The following DYNC1H1 variants were observed in gnomAD, a reference collection of about 807,000 sequenced individuals.
DYNC1H1 encodes cytoplasmic dynein 1 heavy chain 1.
In DYNC1H1, 51 loss-of-function variants were observed where a neutral mutation model predicts 527.1. The ratio of observed to expected loss-of-function variants is 0.10; its 90% CI spans 0.08 to 0.12. The LOEUF (loss-of-function observed/expected upper bound fraction) is 0.12, where lower values mean the gene tolerates loss of function less well. DYNC1H1 is among the 10% of genes least tolerant of loss of function. DYNC1H1 has a pLI of 1.00. For synonymous variants in DYNC1H1, 2,189 were observed against 2,278.8 expected, an observed-to-expected ratio of 0.96 and a Z score of 1.12; for missense variants, 2,771 against 5,971.8, an observed-to-expected ratio of 0.46 and a Z score of 17.66.
At chr14:101,998,879 C>CTTTTTTTTTTGTTTTTTTT (rs1470140199) in intron 16 of DYNC1H1, among the ~76,000 whole-genome samples, 9 of 115,216 alleles carry the variant, frequency 7.8e-5, no homozygotes, top group African/African-American at 3.4e-4. Flanking sequence ...AAAACTTTTT[C>CTTTTTTTTTTGTTTTTTTT]TTTTTTTTTT....
chr14:101,976,163 T>C (rs1242502503), intron 2 of DYNC1H1, among the ~76,000 whole-genome samples: 1 of 150,714 alleles, frequency 6.6e-6, no homozygotes, highest in African/African-American at 2.4e-5. Flanking sequence ...CGCCTCAGCC[T>C]CCCAAAGTGC....
At chr14:101,995,666 T>C (rs1009415077) in intron 15 of DYNC1H1, among the ~76,000 whole-genome samples, 3 of 151,934 alleles carry the variant, frequency 2.0e-5, no homozygotes, top group Non-Finnish European at 4.4e-5. Flanking sequence ...TTCTATAGTA[T>C]TTTGCATTCT....
rs776544497 is a variant in DYNC1H1, at chr14:102,010,393, G to A, written c.6339G>A (p.Arg2113=). 65 of 1,614,040 alleles carry A rather than the reference G, an allele frequency of 4.0e-5. No individual in the cohort carries two copies. Among genetic ancestry groups the A allele is most frequent in the Non-Finnish European group, 5.2e-5 (61 of 1,180,038 alleles). Residue 2113 remains arginine, a synonymous_variant, in exon 31 of 78, where the codon AGG becomes AGA. Coordinates refer to ENST00000360184, the MANE Select transcript of DYNC1H1 (RefSeq NM_001376.5). The surrounding 1 kb of genome is among the most constrained non-coding windows in gnomAD (Gnocchi z 6.0). ...GAGAGAGAATCCAGAAGATAAAGAG[G>A]GAGAAAGAGGAACGAGGGGAAGCAG... ...VKRERIQKIK[R]EKEERGEAVD...
In DYNC1H1 at chr14:102,033,577, G is replaced by A. The variant is rs17512699; in HGVS notation, c.10413+93G>A. 103,173 of 1,514,124 alleles carry A rather than the reference G, an allele frequency of 0.068. 3,852 individuals carry two copies. The highest frequency in any genetic ancestry group is 0.12 in the South Asian group (10,440 of 84,956). 93.8% of individuals were successfully genotyped at this position (1,514,124 alleles called of 1,614,324 possible). ...GCGCTGCATGCACCATGCTGGCCTC[G>A]GTGAATTCGCTCTTTAACATCTGTA... On this transcript the variant is annotated intron_variant, in intron 54 of 77. Transcript: ENST00000360184. The surrounding 1 kb of genome is among the most constrained non-coding windows in gnomAD (Gnocchi z 5.6).
At chr14:102,003,967 C>T (rs921330901) in intron 23 of DYNC1H1, among the ~76,000 whole-genome samples, 2 of 150,702 alleles carry the variant, frequency 1.3e-5, no homozygotes, top group Non-Finnish European at 3.0e-5. Flanking sequence ...ACTGGCCCGG[C>T]GCGGTGGCTC....
intron 72 of DYNC1H1, among the ~76,000 whole-genome samples, chr14:102,046,128 A>G (rs1280662975): frequency 6.6e-6 from 1 of 151,628 alleles, no homozygotes; most frequent in Non-Finnish European, 1.5e-5. Context: ...AGATGGCACC[A>G]CTGCACTCCA....
At position 101,987,517 on chromosome 14, in the gene DYNC1H1, T is replaced by C; in HGVS notation, c.2603T>C (p.Met868Thr). 1.9e-6 allele frequency: 3 copies of C among 1,614,204 alleles called. No homozygotes were observed. The highest frequency in any genetic ancestry group is 1.7e-6 in the Non-Finnish European group (2 of 1,180,046). ...DLEVRSLETC[M>T]YDHKTFSEIL... ...GAAGTCCGTTCCTTGGAAACTTGTA[T>C]GTATGACCATAAGACATTCTCGGAA... The change falls in exon 9 of 78, where the codon ATG (methionine) becomes ACG (threonine). Residue 868 changes from methionine (M) to threonine (T), a missense_variant. Coordinates refer to ENST00000360184, the MANE Select transcript of DYNC1H1 (RefSeq NM_001376.5).
chr14:101,996,059 A>G (rs967329774), intron 15 of DYNC1H1, among the ~76,000 whole-genome samples: 1 of 151,758 alleles, frequency 6.6e-6, no homozygotes, highest in African/African-American at 2.4e-5. Flanking sequence ...GCAAGACTCT[A>G]TCTCAAAAAA....
intron 5 of DYNC1H1, 46 bp downstream of exon 5, chr14:101,980,596 C>CT: frequency 6.3e-7 from 1 of 1,593,306 alleles, no homozygotes; most frequent in Non-Finnish European, 8.6e-7. Context: ...ATTGATCTGG[C>CT]TTTTACGAGA....
chr14:102,006,422 A>G lies in DYNC1H1; in HGVS notation c.5716+252A>G, dbSNP rs1025901210. ...GCTAATTTTTGTATTTTTCATAGAG[A>G]CAGGGTTTCACCATGTTGGCCAGGC... On this transcript the variant is annotated intron_variant, in intron 27 of 77. Coordinates refer to ENST00000360184, the MANE Select transcript of DYNC1H1 (RefSeq NM_001376.5). Among the ~76,000 whole-genome samples, 3 of 152,004 alleles carry G rather than the reference A, an allele frequency of 2.0e-5. No individual in the cohort carries two copies. In the East Asian group the frequency reaches 5.8e-4, roughly 29 times the overall value.
Position 102,017,497 on chromosome 14 carries a change from T to G in DYNC1H1, c.8170T>G (p.Ser2724Ala), listed in dbSNP as rs764493120. Residue 2724 changes from serine to alanine, a missense_variant, in exon 40 of 78, where the codon TCA (serine) becomes GCA (alanine). By Grantham distance (99) the Ser-to-Ala change is moderately conservative. Transcript: ENST00000360184. The surrounding 1 kb of genome is among the most constrained non-coding windows in gnomAD (Gnocchi z 4.6). ...CACAGACCCTGGAAGAAAGCCCCTC[T>G]CACACAGGTAAAACAGCTCGGTAGA... ...PPTDPGRKPL[S>A]HRFLRHVPVV... is the part of the protein sequence containing the mutation. The G allele has an allele frequency of 6.2e-7, 1 of 1,614,150 alleles. No individual in the cohort carries two copies. The highest frequency in any genetic ancestry group is 8.5e-7 in the Non-Finnish European group (1 of 1,180,034).
chr14:101,977,113 C>G (rs1432882686), intron 2 of DYNC1H1, among the ~76,000 whole-genome samples: 1 of 152,136 alleles, frequency 6.6e-6, no homozygotes, highest in African/African-American at 2.4e-5. Flanking sequence ...AACTAGTAAA[C>G]ATTCTATATG....
chr14:102,034,305 G>GT lies in DYNC1H1; in HGVS notation c.10627-19dup. 3 of 1,614,246 alleles carry GT rather than the reference G, an allele frequency of 1.9e-6. No individual in the cohort carries two copies. Among genetic ancestry groups the GT allele is most frequent in the Non-Finnish European group, 2.5e-6 (3 of 1,180,052 alleles). On this transcript the variant is annotated intron_variant, in intron 55 of 77. Transcript: ENST00000360184. ...TCTGTGGCTGTGAAGAGGAGGAAAG[G>GT]TAACGGCCTTGCCTTTCAGTTCCGT...
chr14:102,016,957 C>G lies in DYNC1H1; in HGVS notation c.7806C>G (p.Thr2602=), dbSNP rs1319140246. ...GTGGCCCTCCTGGGTCTGGCAAGAC[C>G]ATGACACTCTTCAGCGCCCTCCGGG... ...VLCGPPGSGK[T]MTLFSALRAL... is the part of the protein sequence containing the mutation. The change falls in exon 38 of 78, where the codon ACC becomes ACG. Residue 2602 remains threonine, a synonymous_variant. Coordinates refer to ENST00000360184, the MANE Select transcript of DYNC1H1 (RefSeq NM_001376.5). This position sits in a 1 kb window ranked among gnomAD's most constrained non-coding sequence, Gnocchi z 7.3. The G allele has an allele frequency of 6.2e-7, 1 of 1,614,242 alleles. No homozygotes were observed. The highest frequency in any genetic ancestry group is 8.5e-7 in the Non-Finnish European group (1 of 1,180,048).
rs151311028 is a variant in DYNC1H1 at position 101,994,088 on chromosome 14, C to A, written c.3016-96C>A. On this transcript the variant is annotated intron_variant, in intron 11 of 77. Transcript: ENST00000360184. ...CCTTAAATGCCATTTTGGTCATGAG[C>A]TTTTCTTTCAGTTCATTTTAATTAA... 302 of 1,591,364 alleles carry A rather than the reference C, an allele frequency of 1.9e-4. 1 individual carries two copies. In the East Asian group the frequency reaches 5.3e-3, roughly 28 times the overall value.
intron 29 of DYNC1H1, among the ~76,000 whole-genome samples, chr14:102,008,659 C>T (rs576310540): frequency 7.2e-5 from 11 of 152,192 alleles, no homozygotes; most frequent in African/African-American, 2.2e-4. Flanking sequence ...TGGTGGTGCA[C>T]GCCTATAATC....
intron 1 of DYNC1H1, among the ~76,000 whole-genome samples, chr14:101,967,565 T>C (rs2047682489): frequency 6.6e-6 from 1 of 152,080 alleles, no homozygotes; most frequent in Admixed American, 6.5e-5. Flanking sequence ...TTGAGCTGGG[T>C]GCGGTGGCTC....
chr14:101,969,974 T>C (rs1229494991), intron 1 of DYNC1H1, among the ~76,000 whole-genome samples: 1 of 152,242 alleles, frequency 6.6e-6, no homozygotes, highest in African/African-American at 2.4e-5. Context: ...AAGGATGTTC[T>C]AAGGAGGGTT....
chr14:102,026,478 A>G lies in DYNC1H1; in HGVS notation c.8638-96A>G, dbSNP rs898462095. On this transcript the variant is annotated intron_variant, in intron 43 of 77. Coordinates refer to ENST00000360184, the MANE Select transcript of DYNC1H1 (RefSeq NM_001376.5). ...ATGATACCTTTTTTGTTGCATTTTT[A>G]ACAGTTTCTTCATGGTATGTGGACA... 3.0e-6 allele frequency: 4 copies of G among 1,355,412 alleles called. No individual in the cohort carries two copies. The Admixed American group carries it at 7.6e-5, about 26-fold the overall frequency. The allele number at this position is 1,355,412 out of a possible 1,614,324, so 84.0% of individuals were successfully genotyped here. A position where few individuals can be genotyped will look rare whatever the true frequency, so the allele number is the denominator to read the frequency against.
Sources: gnomAD v4.1 joint callset for allele counts (sites outside exome capture counted in the v4.1 genomes callset) on GRCh38, gnomAD v4.1.1 for gene constraint, Gnocchi (gnomAD v3.1) non-coding constraint, MANE v1.5 for transcripts, NCBI Gene and HGNC (gene_info 2026-07-23, HGNC 2026-07-21) for gene names.